Variants in KBTBD6 observed in about 807,000 individuals in gnomAD.
KBTBD6 encodes kelch repeat and BTB domain-containing protein 6.
In KBTBD6, 6 loss-of-function variants were observed where a neutral mutation model predicts 34.4. That is an observed-to-expected ratio of 0.17 (90% CI 0.10 to 0.34). The LOEUF is 0.34. Among genes scored for constraint, KBTBD6 ranks in the 10% least tolerant of loss-of-function variants. KBTBD6 has a pLI of 1.00. For synonymous variants in KBTBD6, 288 were observed against 327.2 expected (o/e 0.88, Z 1.29); for missense variants, 557 against 856.0 (o/e 0.65, Z 4.36).
In KBTBD6 at chr13:41,132,488, C is replaced by T; in HGVS notation, c.24G>A (p.Pro8=). ...GGGGACTGGCTAGGCGGCGAGAGCG[C>T]GGGGCGTCTTCCCGGGACTGCATGG... MQSREDA[P]RSRRLASPRG... is the part of the protein sequence containing the mutation. The change falls in exon 1 of 1, where the codon CCG becomes CCA. Residue 8 remains proline (P), a synonymous_variant. Transcript: ENST00000379485. 1 of 1,614,104 alleles carries T rather than the reference C, an allele frequency of 6.2e-7. No homozygotes were observed. The highest frequency in any genetic ancestry group is 8.5e-7 in the Non-Finnish European group (1 of 1,179,960).
Position 41,130,752 on chromosome 13 carries a change from T to G in KBTBD6, c.1760A>C (p.Glu587Ala). Residue 587 changes from glutamate to alanine, a missense_variant, in exon 1 of 1, where the codon GAA (glutamate) becomes GCA (alanine). Around this residue, in one of 4 missense-constraint regions of KBTBD6, gnomAD observed 309 missense variants for 504.5 expected, o/e 0.61. Transcript: ENST00000379485. This position sits in a 1 kb window ranked among gnomAD's most constrained non-coding sequence, Gnocchi z 4.8. The stretch of plus-strand genomic sequence containing the variant: ...CCATTGGTCTCCCCTAATATCATAT[T>G]CATACACAGTCACCCGGTTCTTTTT... Reference protein sequence around the residue: ...QWKKNRVTVYEYDIRGDQWIN... With the variant: ...QWKKNRVTVYAYDIRGDQWIN... 1 of 1,614,238 alleles carries G rather than the reference T, an allele frequency of 6.2e-7. No homozygotes were observed. Among genetic ancestry groups the G allele is most frequent in the Non-Finnish European group, 8.5e-7 (1 of 1,180,048 alleles).
rs4053821 is a variant in KBTBD6, at chr13:41,129,663, C to CTT, written c.*822_*823dup. ...TGGTTTTTTTTCTTTTTTTTTTTTC[C>CTT]TTTTTTTTTTTTTTTTTTTTTTGAG... On this transcript the variant is annotated 3_prime_UTR_variant, in exon 1 of 1. Transcript: ENST00000379485. The CTT allele has an allele frequency of 5.7e-5, 5 of 87,332 alleles. No homozygotes were observed. Among genetic ancestry groups the CTT allele is most frequent in the African/African-American group, 1.4e-4 (3 of 21,820 alleles). The allele number at this position is 87,332 out of a possible 1,614,324, so 5.4% of individuals were successfully genotyped here.
chr13:41,132,308 C>T lies in KBTBD6; in HGVS notation c.204G>A (p.Glu68=), dbSNP rs1193351716. ...DARLLCDVTI[E]VVTPGSGPGT... The stretch of plus-strand genomic sequence containing the variant: ...CAGGCCCGCTGCCAGGCGTCACCAC[C>T]TCGATGGTCACATCACACAGCAGCC... The change falls in exon 1 of 1, where the codon GAG becomes GAA. Residue 68 remains glutamate, a synonymous_variant. Coordinates refer to ENST00000379485, the MANE Select transcript of KBTBD6 (RefSeq NM_152903.5). 6.2e-7 allele frequency: 1 copy of T among 1,614,248 alleles called. No individual in the cohort carries two copies. Among genetic ancestry groups the T allele is most frequent in the Admixed American group, 1.7e-5 (1 of 60,036 alleles).
In KBTBD6 at chr13:41,131,640, C is replaced by A. The variant is rs1404410241; in HGVS notation, c.872G>T (p.Cys291Phe). 1 of 1,613,844 alleles carries A rather than the reference C, an allele frequency of 6.2e-7. No individual in the cohort carries two copies. Among genetic ancestry groups the A allele is most frequent in the Non-Finnish European group, 8.5e-7 (1 of 1,179,740 alleles). The change falls in exon 1 of 1, where the codon TGC becomes TTC. Residue 291 changes from cysteine to phenylalanine, a missense_variant. Around this residue, in one of 4 missense-constraint regions of KBTBD6, gnomAD observed 309 missense variants for 504.5 expected, o/e 0.61. Transcript: ENST00000379485. This position sits in a 1 kb window ranked among gnomAD's most constrained non-coding sequence, Gnocchi z 5.8. Reference sequence around the variant, plus strand: ...CAGGGCCCCTTCAATAACGTCCAGGCAGTACTTCTTCACGATGGGCTTGGT... The same window carrying A: ...CAGGGCCCCTTCAATAACGTCCAGGAAGTACTTCTTCACGATGGGCTTGGT... Reference protein sequence around the residue: ...LLTKPIVKKYCLDVIEGALQM... With the variant: ...LLTKPIVKKYFLDVIEGALQM...
Position 41,131,187 on chromosome 13 carries a change from C to T in KBTBD6, c.1325G>A (p.Gly442Glu). The change falls in exon 1 of 1, where the codon GGG becomes GAG. Residue 442 changes from glycine to glutamate, a missense_variant. Physicochemically the swap from Gly to Glu is moderately conservative, Grantham distance 98 (BLOSUM62 -2). Transcript: ENST00000379485. The surrounding 1 kb of genome is among the most constrained non-coding windows in gnomAD (Gnocchi z 5.8). ...CTTAACTCCAGTAATAGGGTCTCGC[C>T]CCCCCAAAATGTAGATATAGCCATT... ...YLNGYIYILG[G>E]RDPITGVKLK... 4 of 1,614,100 alleles carry T rather than the reference C, an allele frequency of 2.5e-6. No individual in the cohort carries two copies. The highest frequency in any genetic ancestry group is 3.4e-6 in the Non-Finnish European group (4 of 1,180,016).
chr13:41,131,883 C>T lies in KBTBD6; in HGVS notation c.629G>A (p.Arg210Gln). ...FKQLSHMGSI[R>Q]EETLADLTLA... Reference sequence around the variant, plus strand: ...GGTCAGATCTGCTAGAGTCTCCTCCCGAATTGAACCCATGTGGCTGAGTTG... The same window carrying T: ...GGTCAGATCTGCTAGAGTCTCCTCCTGAATTGAACCCATGTGGCTGAGTTG... Residue 210 changes from arginine to glutamine, a missense_variant, in exon 1 of 1, where the codon CGG becomes CAG. Coordinates refer to ENST00000379485, the MANE Select transcript of KBTBD6 (RefSeq NM_152903.5). This position sits in a 1 kb window ranked among gnomAD's most constrained non-coding sequence, Gnocchi z 5.8. 1 of 1,614,226 alleles carries T rather than the reference C, an allele frequency of 6.2e-7. No homozygotes were observed. The highest frequency in any genetic ancestry group is 8.5e-7 in the Non-Finnish European group (1 of 1,180,040).
chr13:41,128,328 C>T lies in KBTBD6; in HGVS notation c.*2159G>A. ...AAAATGTAGACCATAAGCATCTGGT[C>T]ATTCATCATGTACATGTATCATGTC... On this transcript the variant is annotated 3_prime_UTR_variant, in exon 1 of 1. Coordinates refer to ENST00000379485, the MANE Select transcript of KBTBD6 (RefSeq NM_152903.5). The T allele has an allele frequency of 2.7e-6, 1 of 364,588 alleles. No homozygotes were observed. The highest frequency in any genetic ancestry group is 4.9e-6 in the Non-Finnish European group (1 of 203,432). The allele number at this position is 364,588 out of a possible 1,614,324, so 22.6% of individuals were successfully genotyped here. A position where few individuals can be genotyped will look rare whatever the true frequency, so the allele number is the denominator to read the frequency against.
In KBTBD6 at chr13:41,132,380, G is replaced by C. The variant is rs534385707; in HGVS notation, c.132C>G (p.Ala44=). The C allele has an allele frequency of 1.2e-6, 2 of 1,614,250 alleles. No individual in the cohort carries two copies. The highest frequency in any genetic ancestry group is 2.2e-5 in the East Asian group (1 of 44,876). ...GCTGTGCCAGCAGGGCTGCAGAATGGGCCGTGTCCTTTAATTCCTCTGGAC... is the reference window on the plus strand; with the variant it reads ...GCTGTGCCAGCAGGGCTGCAGAATGCGCCGTGTCCTTTAATTCCTCTGGAC... ...FTGPEELKDT[A]HSAALLAQLK... The change falls in exon 1 of 1, where the codon GCC becomes GCG. Residue 44 remains alanine, a synonymous_variant. Transcript: ENST00000379485.
chr13:41,131,955 C>T lies in KBTBD6; in HGVS notation c.557G>A (p.Arg186His), dbSNP rs1221006268. The T allele has an allele frequency of 1.9e-6, 3 of 1,614,146 alleles. No homozygotes were observed. Among genetic ancestry groups the T allele is most frequent in the African/African-American group, 1.3e-5 (1 of 74,950 alleles). The change falls in exon 1 of 1, where the codon CGC (arginine) becomes CAC (histidine). Residue 186 changes from arginine to histidine, a missense_variant. Arg to His is a conservative substitution (Grantham distance 29). Coordinates refer to ENST00000379485, the MANE Select transcript of KBTBD6 (RefSeq NM_152903.5). The surrounding 1 kb of genome is among the most constrained non-coding windows in gnomAD (Gnocchi z 5.8). The part of the protein sequence containing the change: ...ILKFADAFGH[R>H]KLRSQAQSYI... ...GGACTGGGCCTGGGATCGCAGCTTG[C>T]GATGGCCAAAGGCATCTGCAAACTT...
Position 41,131,520 on chromosome 13 carries a change from G to A in KBTBD6, c.992C>T (p.Ala331Val). The A allele has an allele frequency of 6.2e-7, 1 of 1,614,196 alleles. No homozygotes were observed. The highest frequency in any genetic ancestry group is 8.5e-7 in the Non-Finnish European group (1 of 1,180,042). Residue 331 changes from alanine (A) to valine (V), a missense_variant, in exon 1 of 1, where the codon GCA (alanine) becomes GTA (valine). Ala to Val is a moderately conservative substitution (Grantham distance 64). Around this residue, in one of 4 missense-constraint regions of KBTBD6, gnomAD observed 309 missense variants for 504.5 expected, o/e 0.61. Transcript: ENST00000379485. The surrounding 1 kb of genome is among the most constrained non-coding windows in gnomAD (Gnocchi z 5.8). The stretch of plus-strand genomic sequence containing the variant: ...ACCCAGTCTCTGGGGTGGATTTTCT[G>A]CTGCAGATACAAGAGAGTTGCTGCT... ...SSSSNSLVSAAENPPQRLGMC... is the reference protein window; with the variant it reads ...SSSSNSLVSAVENPPQRLGMC...
chr13:41,130,393 G>T lies in KBTBD6; in HGVS notation c.*94C>A. The T allele has an allele frequency of 2.2e-6, 2 of 927,402 alleles. No individual in the cohort carries two copies. The highest frequency in any genetic ancestry group is 3.2e-6 in the Non-Finnish European group (2 of 620,712). 57.4% of individuals were successfully genotyped at this position (927,402 alleles called of 1,614,324 possible). On this transcript the variant is annotated 3_prime_UTR_variant, in exon 1 of 1. Coordinates refer to ENST00000379485, the MANE Select transcript of KBTBD6 (RefSeq NM_152903.5). The surrounding 1 kb of genome is among the most constrained non-coding windows in gnomAD (Gnocchi z 4.8). ...GTTAATCAACTTTTCCTCTCCTTTAGGAACAAAAAGGATATTTAAGATATT... is the reference window on the plus strand; with the variant it reads ...GTTAATCAACTTTTCCTCTCCTTTATGAACAAAAAGGATATTTAAGATATT...
chr13:41,132,744 C>T lies in KBTBD6; in HGVS notation c.-233G>A. On this transcript the variant is annotated 5_prime_UTR_variant, in exon 1 of 1. Coordinates refer to ENST00000379485, the MANE Select transcript of KBTBD6 (RefSeq NM_152903.5). ...TCCTTTCTCCGCGTCTGCTCGCCTTCACAGGACCCGCTGGCTTGGAGCCGC... is the reference window on the plus strand; with the variant it reads ...TCCTTTCTCCGCGTCTGCTCGCCTTTACAGGACCCGCTGGCTTGGAGCCGC... The T allele has an allele frequency of 1.7e-6, 1 of 583,188 alleles. No individual in the cohort carries two copies. The allele number at this position is 583,188 out of a possible 1,614,324, so 36.1% of individuals were successfully genotyped here. A position where few individuals can be genotyped will look rare whatever the true frequency, so the allele number is the denominator to read the frequency against.
chr13:41,131,549 A>G lies in KBTBD6; in HGVS notation c.963T>C (p.Ser321=), dbSNP rs754841304. 65 of 1,613,648 alleles carry G rather than the reference A, an allele frequency of 4.0e-5. No homozygotes were observed. Among genetic ancestry groups the G allele is most frequent in the Non-Finnish European group, 4.9e-5 (58 of 1,179,736 alleles). The change falls in exon 1 of 1, where the codon AGT becomes AGC. Residue 321 remains serine (S), a synonymous_variant. Coordinates refer to ENST00000379485, the MANE Select transcript of KBTBD6 (RefSeq NM_152903.5). The surrounding 1 kb of genome is among the most constrained non-coding windows in gnomAD (Gnocchi z 5.8). ...LVPVPNSSSS[S]SSSNSLVSAA... ...CAGATACAAGAGAGTTGCTGCTGCT[A>G]CTGCTGCTGCTGCTGTTTGGCACTG... is the stretch of plus-strand genomic sequence containing the variant.
Position 41,128,476 on chromosome 13 carries a change from CAA to C in KBTBD6, c.*2009_*2010del, listed in dbSNP as rs991547414. ...CTCTTACATTATGGTAACAGAAAAA[CAA>C]AGACTGGAGCATGGTTTACAGAGAA... On this transcript the variant is annotated 3_prime_UTR_variant, in exon 1 of 1. Transcript: ENST00000379485. 2.8e-5 allele frequency: 11 copies of C among 396,432 alleles called. No homozygotes were observed. The highest frequency in any genetic ancestry group is 1.9e-4 in the African/African-American group (9 of 48,570). The allele number at this position is 396,432 out of a possible 1,614,324, so 24.6% of individuals were successfully genotyped here.
chr13:41,132,028 A>C lies in KBTBD6; in HGVS notation c.484T>G (p.Ser162Ala), dbSNP rs1402181244. Residue 162 changes from serine (S) to alanine (A), a missense_variant, in exon 1 of 1, where the codon TCC (serine) becomes GCC (alanine). By Grantham distance (99) the Ser-to-Ala change is moderately conservative. Transcript: ENST00000379485. ...QLEYVREACA[S>A]FLARRLDLTN... is the part of the protein sequence containing the mutation. The stretch of plus-strand genomic sequence containing the variant: ...AGGTCAAGACGTCGGGCTAAGAAGG[A>C]GGCACAGGCTTCCCGCACATATTCC... 6.2e-7 allele frequency: 1 copy of C among 1,614,260 alleles called. No individual in the cohort carries two copies. Among genetic ancestry groups the C allele is most frequent in the South Asian group, 1.1e-5 (1 of 91,090 alleles).
At position 41,132,395 on chromosome 13, in the gene KBTBD6, T is replaced by G; in HGVS notation, c.117A>C (p.Glu39Asp). 6 of 1,614,202 alleles carry G rather than the reference T, an allele frequency of 3.7e-6. No homozygotes were observed. The highest frequency in any genetic ancestry group is 5.1e-6 in the Non-Finnish European group (6 of 1,180,028). ...CTGCAGAATGGGCCGTGTCCTTTAA[T>G]TCCTCTGGACCCGTGAAAAAGGCCG... is the stretch of plus-strand genomic sequence containing the variant. ...TVSAFFTGPE[E>D]LKDTAHSAAL... Residue 39 changes from glutamate to aspartate, a missense_variant, in exon 1 of 1, where the codon GAA (glutamate) becomes GAC (aspartate). Glu to Asp is a conservative substitution (Grantham distance 45, BLOSUM62 2). Around this residue, in one of 4 missense-constraint regions of KBTBD6, gnomAD observed 108 missense variants for 209.6 expected, o/e 0.52. Coordinates refer to ENST00000379485, the MANE Select transcript of KBTBD6 (RefSeq NM_152903.5).
rs778552495 is a variant in KBTBD6 at position 41,131,818 on chromosome 13, CCA to C, written c.692_693del (p.Leu231ArgfsTer5). ...QLLAVLRLDS[L>X]DVESEQTVCH... ...CACACTGTCTGCTCACTCTCCACGTCCAGACTATCCAAGCGCAGGACAGCCAG... is the reference window on the plus strand; with the variant it reads ...CACACTGTCTGCTCACTCTCCACGTCGACTATCCAAGCGCAGGACAGCCAG... On this transcript the variant is annotated frameshift_variant, in exon 1 of 1. Transcript: ENST00000379485. LOFTEE classifies it high-confidence loss of function. The surrounding 1 kb of genome is among the most constrained non-coding windows in gnomAD (Gnocchi z 5.8). 1 of 1,614,256 alleles carries C rather than the reference CCA, an allele frequency of 6.2e-7. No homozygotes were observed. Among genetic ancestry groups the C allele is most frequent in the South Asian group, 1.1e-5 (1 of 91,090 alleles).
At position 41,130,544 on chromosome 13, in the gene KBTBD6, T is replaced by C; in HGVS notation, c.1968A>G (p.Ser656=). 1 of 1,614,206 alleles carries C rather than the reference T, an allele frequency of 6.2e-7. No individual in the cohort carries two copies. Among genetic ancestry groups the C allele is most frequent in the Non-Finnish European group, 8.5e-7 (1 of 1,180,030 alleles). ...LGGFSEPDSE[S]GSSSSLSDDD... The stretch of plus-strand genomic sequence containing the variant: ...CATCAGAAAGAGAACTTGAACTTCC[T>C]GACTCAGAGTCTGGCTCACTGAATC... The change falls in exon 1 of 1, where the codon TCA becomes TCG. Residue 656 remains serine, a synonymous_variant. Transcript: ENST00000379485. The surrounding 1 kb of genome is among the most constrained non-coding windows in gnomAD (Gnocchi z 4.8).
In KBTBD6 at chr13:41,131,380, G is replaced by T; in HGVS notation, c.1132C>A (p.His378Asn). Residue 378 changes from histidine to asparagine, a missense_variant, in exon 1 of 1, where the codon CAC (histidine) becomes AAC (asparagine). Physicochemically the swap from His to Asn is moderately conservative, Grantham distance 68 (BLOSUM62 1). Transcript: ENST00000379485. This position sits in a 1 kb window ranked among gnomAD's most constrained non-coding sequence, Gnocchi z 5.8. ...KVPSPLTCLAHTRTVTTLAVC... is the reference protein window; with the variant it reads ...KVPSPLTCLANTRTVTTLAVC... ...GCTAAAGTGGTGACAGTCCTAGTGT[G>T]AGCCAGACAGGTCAAAGGTGACGGC... is the stretch of plus-strand genomic sequence containing the variant. 2 of 1,614,162 alleles carry T rather than the reference G, an allele frequency of 1.2e-6. No homozygotes were observed. The highest frequency in any genetic ancestry group is 1.1e-5 in the South Asian group (1 of 91,080).
Sources: gnomAD v4.1 joint callset for allele counts on GRCh38, gnomAD v4.1.1 for gene constraint, gnomAD v4.1.1 regional missense constraint, Gnocchi (gnomAD v3.1) non-coding constraint, MANE v1.5 for transcripts, NCBI Gene and HGNC (gene_info 2026-07-23, HGNC 2026-07-21) for gene names.